BCAS3: variants seen among roughly 807,000 people sequenced by gnomAD.
BCAS3 encodes BCAS3 microtubule associated cell migration factor, also known as BCAS4/BCAS3 fusion.
A neutral mutation model predicts 116.1 loss-of-function variants in BCAS3; 53 were observed. The observed-to-expected ratio is 0.46, with a 90% CI of 0.37 to 0.57. BCAS3 has a LOEUF of 0.57. BCAS3 is among the 20% of genes least tolerant of loss of function. The pLI is 0.00. For synonymous variants in BCAS3, 391 were observed against 408.2 expected (o/e 0.96, Z 0.51); for missense variants, 917 against 1,165.4 (o/e 0.79, Z 3.10).
At position 61,208,052 on chromosome 17, in the gene BCAS3, A is replaced by G. The variant is rs1453763235; in HGVS notation, c.2425+123488A>G. Reference sequence around the variant, plus strand: ...AAACTTAGGAGATAATGTTGATCACATACCCTTTTTTATTATATCTTAGTA... The same window carrying G: ...AAACTTAGGAGATAATGTTGATCACGTACCCTTTTTTATTATATCTTAGTA... On this transcript the variant is annotated intron_variant, in intron 22 of 23. Transcript: ENST00000407086. This position sits in a 1 kb window ranked among gnomAD's most constrained non-coding sequence, Gnocchi z 4.5. 6.6e-6 allele frequency among the ~76,000 whole-genome samples: 1 copy of G among 152,224 alleles called. No individual in the cohort carries two copies.
At chr17:61,225,156 T>C (rs889319952) in intron 22 of BCAS3, among the ~76,000 whole-genome samples, 1 of 67,760 alleles carries the variant, frequency 1.5e-5, no homozygotes, top group Non-Finnish European at 2.7e-5. Context: ...AGTATCGCTC[T>C]GCCTTTTTTT....
chr17:61,366,489 T>C lies in BCAS3; in HGVS notation c.2426-1838T>C, dbSNP rs555607689. Among the ~76,000 whole-genome samples, 1 of 152,020 alleles carries C rather than the reference T, an allele frequency of 6.6e-6. No homozygotes were observed. Among genetic ancestry groups the C allele is most frequent in the African/African-American group, 2.4e-5 (1 of 41,440 alleles). ...CCCTGGGGAGCTAGGCACCTGGGAG[T>C]TGTTGCCAAGGGTGGTTGAGTGTTG... On this transcript the variant is annotated intron_variant, in intron 22 of 23. Transcript: ENST00000407086. The surrounding 1 kb of genome is among the most constrained non-coding windows in gnomAD (Gnocchi z 4.5).
chr17:60,827,753 TAGA>T (rs1265772395), intron 7 of BCAS3, among the ~76,000 whole-genome samples: 2 of 152,018 alleles, frequency 1.3e-5, no homozygotes, highest in East Asian at 1.9e-4. Context: ...CCTCCCCCTG[TAGA>T]AGAAGCGTGT....
At chr17:60,701,835 G>T (rs149511049) in intron 4 of BCAS3, among the ~76,000 whole-genome samples, 1 of 148,354 alleles carries the variant, frequency 6.7e-6, no homozygotes, top group African/African-American at 2.6e-5. Context: ...AAAGCCAGGC[G>T]TGGTGGCACA....
chr17:61,070,364 TG>T, intron 19 of BCAS3: 1 of 477,302 alleles, frequency 2.1e-6, no homozygotes, highest in Middle Eastern at 6.2e-4. Context: ...TGCCTAATTC[TG>T]AATATATATA....
Position 61,210,958 on chromosome 17 carries a change from A to G in BCAS3, c.2425+126394A>G, listed in dbSNP as rs73991570. ...AGAGTCTGAAAAGAGTCTATCACCA[A>G]TCTATCTGAGGTCAGCTTAATCCAT... On this transcript the variant is annotated intron_variant, in intron 22 of 23. Transcript: ENST00000407086. Among the ~76,000 whole-genome samples the G allele has an allele frequency of 4.4e-3, 663 of 152,134 alleles. 5 individuals carry two copies. Among genetic ancestry groups the G allele is most frequent in the African/African-American group, 0.015 (632 of 41,474 alleles).
At chr17:60,799,717 T>C (rs1459669722) in intron 6 of BCAS3, among the ~76,000 whole-genome samples, 5 of 131,450 alleles carry the variant, frequency 3.8e-5, no homozygotes, top group Non-Finnish European at 7.9e-5. Context: ...TCTTTTTTTT[T>C]TTTTTTTTTT....
At chr17:60,707,993 C>T (rs115377186) in intron 4 of BCAS3, among the ~76,000 whole-genome samples, 3,018 of 152,102 alleles carry the variant, frequency 0.02, 105 homozygotes, top group African/African-American at 0.066. Context: ...TGCCTCAGAA[C>T]GATTTGGTGC....
In BCAS3 at chr17:61,204,616, C is replaced by G. The variant is rs2144299591; in HGVS notation, c.2425+120052C>G. Among the ~76,000 whole-genome samples the G allele has an allele frequency of 6.6e-6, 1 of 152,270 alleles. No homozygotes were observed. The highest frequency in any genetic ancestry group is 2.4e-5 in the African/African-American group (1 of 41,564). On this transcript the variant is annotated intron_variant, in intron 22 of 23. Coordinates refer to ENST00000407086, the MANE Select transcript of BCAS3 (RefSeq NM_017679.5). The surrounding 1 kb of genome is among the most constrained non-coding windows in gnomAD (Gnocchi z 4.2). The stretch of plus-strand genomic sequence containing the variant: ...TTAAATATTTCTAGAATATAATTGC[C>G]TCTGAAAACACAGTACCAGGGTTTT...
intron 22 of BCAS3, among the ~76,000 whole-genome samples, chr17:61,350,682 C>T (rs1442173248): frequency 6.7e-6 from 1 of 149,358 alleles, no homozygotes; most frequent in Non-Finnish European, 1.5e-5. Flanking sequence ...ACCATGGTGG[C>T]AGTGTAGTGG....
At chr17:61,173,393 G>A (rs1176173981) in intron 22 of BCAS3, among the ~76,000 whole-genome samples, 2 of 150,098 alleles carry the variant, frequency 1.3e-5, no homozygotes, top group East Asian at 2.0e-4. Context: ...AGGTTGCAGT[G>A]AACTGAGATC....
intron 22 of BCAS3, among the ~76,000 whole-genome samples, chr17:61,318,492 C>T (rs1253872073): frequency 1.3e-5 from 2 of 152,136 alleles, no homozygotes; most frequent in East Asian, 3.9e-4. Flanking sequence ...CCCCTCTTCC[C>T]CCTCCCCCTA....
At chr17:61,071,971 A>G (rs2071472522) in intron 19 of BCAS3, among the ~76,000 whole-genome samples, 1 of 152,188 alleles carries the variant, frequency 6.6e-6, no homozygotes, top group Admixed American at 6.6e-5. Context: ...AGGCAGAGGA[A>G]GGATATTTAT....
chr17:60,988,077 A>C (rs2063264281), intron 14 of BCAS3, among the ~76,000 whole-genome samples: 1 of 152,096 alleles, frequency 6.6e-6, no homozygotes, highest in Non-Finnish European at 1.5e-5. Flanking sequence ...GCATCAGTTG[A>C]AATGATTATA....
At chr17:61,080,062 G>A (rs2072432506) in intron 21 of BCAS3, among the ~76,000 whole-genome samples, 1 of 150,660 alleles carries the variant, frequency 6.6e-6, no homozygotes, top group Admixed American at 6.6e-5. Flanking sequence ...GTGGCACCAC[G>A]CCTCCCTAGT....
intron 6 of BCAS3, among the ~76,000 whole-genome samples, chr17:60,770,395 T>A (rs1282234315): frequency 1.4e-5 from 2 of 138,912 alleles, no homozygotes; most frequent in African/African-American, 5.4e-5. Context: ...ATCCCAGTGT[T>A]CCCTCTTTTT....
chr17:61,176,961 G>A (rs373869582), intron 22 of BCAS3, among the ~76,000 whole-genome samples: 5 of 152,248 alleles, frequency 3.3e-5, no homozygotes, highest in Non-Finnish European at 5.9e-5. Flanking sequence ...GTTTAATACC[G>A]TTAGTCCTTA....
intron 6 of BCAS3, among the ~76,000 whole-genome samples, chr17:60,749,995 G>A (rs1192828336): frequency 6.6e-6 from 1 of 151,986 alleles, no homozygotes; most frequent in Non-Finnish European, 1.5e-5. Context: ...GTGAAACCTC[G>A]TCTCTACTAA....
intron 22 of BCAS3, among the ~76,000 whole-genome samples, chr17:61,154,697 G>A (rs2077734801): frequency 6.6e-6 from 1 of 152,044 alleles, no homozygotes; most frequent in African/African-American, 2.4e-5. Context: ...CCCCACATGG[G>A]TCTCCTGAAG....
Sources: allele counts gnomAD v4.1 joint callset (sites outside exome capture counted in the v4.1 genomes callset), GRCh38; gene constraint gnomAD v4.1.1; non-coding constraint Gnocchi (gnomAD v3.1); transcripts MANE v1.5; gene names NCBI Gene and HGNC (gene_info 2026-07-23, HGNC 2026-07-21).